TOP2B: variants seen among roughly 807,000 people sequenced by gnomAD.
TOP2B encodes the protein DNA topoisomerase 2-beta.
A neutral mutation model predicts 193.5 loss-of-function variants in TOP2B; 51 were observed. The ratio of observed to expected loss-of-function variants is 0.26; its 90% CI spans 0.21 to 0.33. The LOEUF (loss-of-function observed/expected upper bound fraction) is 0.33. Ranked by LOEUF, TOP2B falls within the 10% of genes least tolerant of loss-of-function variation. The pLI, the probability that TOP2B is intolerant of heterozygous loss-of-function variation, is 1.00. For synonymous variants in TOP2B, 634 were observed against 635.7 expected, an observed-to-expected ratio of 1.00 and a Z score of 0.04; for missense variants, 1,378 against 1,909.3, an observed-to-expected ratio of 0.72 and a Z score of 5.19.
chr3:25,626,479 T>A (rs944730053), intron 18 of TOP2B, 81 bp downstream of exon 18: 1 of 738,116 alleles, frequency 1.4e-6, no homozygotes, highest in African/African-American at 1.9e-5. Flanking sequence ...TTTTAATATG[T>A]ATCATAAGGA....
chr3:25,631,394 T>C (rs1431012664), intron 10 of TOP2B, among the ~76,000 whole-genome samples: 1 of 152,098 alleles, frequency 6.6e-6, no homozygotes, highest in Non-Finnish European at 1.5e-5. Flanking sequence ...TGGTAACTTA[T>C]GAATAGACTT....
intron 4 of TOP2B, 51 bp downstream of exon 4, chr3:25,642,271 G>A (rs1000635614): frequency 7.2e-6 from 8 of 1,103,824 alleles, no homozygotes; most frequent in South Asian, 7.2e-5. Context: ...ATAAATTGGG[G>A]ACTATCTGAA....
At chr3:25,605,801 A>T (rs1294951610) in intron 32 of TOP2B, among the ~76,000 whole-genome samples, 1 of 152,088 alleles carries the variant, frequency 6.6e-6, no homozygotes. Flanking sequence ...ACACCCATAA[A>T]CACAGATAAG....
intron 13 of TOP2B, 119 bp downstream of exon 13, chr3:25,629,910 C>T (rs2125377110): frequency 1.9e-5 from 20 of 1,079,442 alleles, no homozygotes; most frequent in East Asian, 2.7e-5. Context: ...TCATTTTTTC[C>T]TCCTGATGTA....
chr3:25,615,476 A>G lies in TOP2B; in HGVS notation c.3462T>C (p.Leu1154=), dbSNP rs745386288. ...TCAGTTCTTCAACTTTTTCTTTAGTAAGAGACCACAGAGACATATTTAAAA... is the reference window on the plus strand; with the variant it reads ...TCAGTTCTTCAACTTTTTCTTTAGTGAGAGACCACAGAGACATATTTAAAA... ...NYILNMSLWS[L]TKEKVEELIK... Residue 1154 remains leucine, a synonymous_variant, in exon 26 of 36, where the codon CTT becomes CTC. Transcript: ENST00000264331. 2 of 1,572,282 alleles carry G rather than the reference A, an allele frequency of 1.3e-6. No homozygotes were observed. Among genetic ancestry groups the G allele is most frequent in the Non-Finnish European group, 8.6e-7 (1 of 1,160,716 alleles).
Position 25,628,848 on chromosome 3 carries a change from T to C in TOP2B, c.1905A>G (p.Lys635=), listed in dbSNP as rs968321683. The C allele has an allele frequency of 2.3e-5, 35 of 1,514,404 alleles. No homozygotes were observed. The highest frequency in any genetic ancestry group is 8.1e-5 in the Admixed American group (4 of 49,298). 93.8% of individuals were successfully genotyped at this position (1,514,404 alleles called of 1,614,324 possible). ...ATCTAAGTATTTTAAAATACAAACC[T>C]TTATAGTACTTTATTTTCCAGGCTT... ...NQKAWKIKYY[K]GLGTSTAKEA... is the part of the protein sequence containing the mutation. Residue 635 remains lysine (K), a splice_region_variant and synonymous_variant, in exon 15 of 36, where the codon AAA becomes AAG. Transcript: ENST00000264331.
chr3:25,611,197 G>A (rs1412288809), intron 28 of TOP2B, among the ~76,000 whole-genome samples: 1 of 152,136 alleles, frequency 6.6e-6, no homozygotes, highest in African/African-American at 2.4e-5. Flanking sequence ...AAGGTTACTT[G>A]AGGGGACCAT....
At chr3:25,607,008 C>T (rs1287974413) in intron 31 of TOP2B, among the ~76,000 whole-genome samples, 163 bp downstream of exon 31, 1 of 152,132 alleles carries the variant, frequency 6.6e-6, no homozygotes, top group East Asian at 1.9e-4. Flanking sequence ...CTTTAAACTA[C>T]AGCAACTGTG....
chr3:25,657,208 T>A (rs1644105034), intron 1 of TOP2B, among the ~76,000 whole-genome samples: 1 of 152,186 alleles, frequency 6.6e-6, no homozygotes, highest in Non-Finnish European at 1.5e-5. Context: ...TTTCAACTCC[T>A]GTTTGTCAGC....
chr3:25,612,651 T>C lies in TOP2B; in HGVS notation c.3650A>G (p.Lys1217Arg), dbSNP rs575822857. 126 of 1,613,706 alleles carry C rather than the reference T, an allele frequency of 7.8e-5. 3 individuals are homozygous for C. The South Asian group carries it at 1.3e-3, about 16-fold the overall frequency. ...CACCTTAGGTTTGCCAACTTTACCT[T>C]TAATTGCTTTTCCAGACATTCCAGC... Reference protein sequence around the residue: ...VLAGMSGKAIKGKVGKPKVKK... With the variant: ...VLAGMSGKAIRGKVGKPKVKK... The change falls in exon 28 of 36, where the codon AAA (lysine) becomes AGA (arginine). Residue 1217 changes from lysine (K) to arginine (R), a missense_variant. Lys to Arg is a conservative substitution (Grantham distance 26). This residue lies in a region of TOP2B where 556 missense variants were observed against 584.2 expected (regional missense o/e 0.95). Coordinates refer to ENST00000264331, the MANE Select transcript of TOP2B (RefSeq NM_001330700.2).
At chr3:25,604,606 G>T (rs531036843) in intron 33 of TOP2B, among the ~76,000 whole-genome samples, 154 bp downstream of exon 33, 1 of 152,308 alleles carries the variant, frequency 6.6e-6, no homozygotes, top group East Asian at 1.9e-4. Flanking sequence ...AACGCCCTCA[G>T]ATGGCTAGAA....
chr3:25,664,740 G>C lies in TOP2B; in HGVS notation c.-443C>G. On this transcript the variant is annotated 5_prime_UTR_variant, in exon 1 of 36. Transcript: ENST00000264331. ...CACACTCCGCGAAGGCCAGCCACTCGAGTCGCCAGAGTAGTCGTCCCGGTC... is the reference window on the plus strand; with the variant it reads ...CACACTCCGCGAAGGCCAGCCACTCCAGTCGCCAGAGTAGTCGTCCCGGTC... 1 of 987,714 alleles carries C rather than the reference G, an allele frequency of 1.0e-6. No homozygotes were observed. The highest frequency in any genetic ancestry group is 1.2e-6 in the Non-Finnish European group (1 of 830,362). 61.2% of individuals were successfully genotyped at this position (987,714 alleles called of 1,614,324 possible). A position where few individuals can be genotyped will look rare whatever the true frequency, so the allele number is the denominator to read the frequency against.
chr3:25,634,837 G>T (rs939454063), intron 7 of TOP2B, among the ~76,000 whole-genome samples: 4 of 150,414 alleles, frequency 2.7e-5, no homozygotes, highest in Admixed American at 6.6e-5. Flanking sequence ...AAACCTCAAG[G>T]ACACAGGCTG....
chr3:25,616,606 T>G (rs891823393), intron 25 of TOP2B, among the ~76,000 whole-genome samples: 1 of 151,996 alleles, frequency 6.6e-6, no homozygotes, highest in African/African-American at 2.4e-5. Context: ...GTTGAGTTGA[T>G]AGATGATTAA....
intron 25 of TOP2B, among the ~76,000 whole-genome samples, chr3:25,617,415 T>C (rs969033787): frequency 2.6e-5 from 4 of 152,178 alleles, no homozygotes; most frequent in Non-Finnish European, 4.4e-5. Flanking sequence ...ATTATCTTAA[T>C]ATGTAATTGC....
intron 23 of TOP2B, among the ~76,000 whole-genome samples, 168 bp downstream of exon 23, chr3:25,619,694 G>T (rs1275109696): frequency 1.7e-5 from 2 of 117,314 alleles, no homozygotes; most frequent in Non-Finnish European, 1.8e-5. Context: ...AATACTAGAA[G>T]AAAGAAATGT....
chr3:25,650,472 C>T (rs1459024355), intron 1 of TOP2B, among the ~76,000 whole-genome samples: 1 of 152,168 alleles, frequency 6.6e-6, no homozygotes, highest in Non-Finnish European at 1.5e-5. Flanking sequence ...TTTCCTGCTA[C>T]AATTATTTGA....
rs1363222988 is a variant in TOP2B at position 25,664,328 on chromosome 3, G to T, written c.-31C>A. The stretch of plus-strand genomic sequence containing the variant: ...GTGCCTCCAGCTCACAGGCCCTGAG[G>T]CCGCAGCCGCCGCTCCCGCCTCCCT... On this transcript the variant is annotated 5_prime_UTR_variant, in exon 1 of 36. Coordinates refer to ENST00000264331, the MANE Select transcript of TOP2B (RefSeq NM_001330700.2). 1 of 1,441,990 alleles carries T rather than the reference G, an allele frequency of 6.9e-7. No homozygotes were observed. 89.3% of individuals were successfully genotyped at this position (1,441,990 alleles called of 1,614,324 possible).
At chr3:25,630,679 GAAGT>G (rs962761100) in intron 11 of TOP2B, 118 bp downstream of exon 11, 1 of 1,022,060 alleles carries the variant, frequency 9.8e-7, no homozygotes, top group Non-Finnish European at 1.4e-6. Flanking sequence ...TAATTTCAAT[GAAGT>G]AAAATCATAC....
Sources: allele counts gnomAD v4.1 joint callset (sites outside exome capture counted in the v4.1 genomes callset), GRCh38; gene constraint gnomAD v4.1.1; regional missense constraint gnomAD v4.1.1; transcripts MANE v1.5; gene names NCBI Gene and HGNC (gene_info 2026-07-23, HGNC 2026-07-21).